The following MELK variants were observed in gnomAD, a reference collection of about 807,000 sequenced individuals.
MELK encodes the protein pEg3 kinase.
In MELK, 81 loss-of-function variants were observed where a neutral mutation model predicts 85.0. The ratio of observed to expected loss-of-function variants is 0.95; its 90% CI spans 0.80 to 1.15. MELK has a LOEUF of 1.15. MELK is among the 50% of genes most tolerant of loss of function. The probability of loss-of-function intolerance (pLI) is 0.00; values close to 1 mark genes in which losing one functional copy is unlikely to be tolerated. For missense variants in MELK, 754 were observed against 777.5 expected, an observed-to-expected ratio of 0.97 and a Z score of 0.36; for synonymous variants, 252 against 265.0, an observed-to-expected ratio of 0.95 and a Z score of 0.48.
chr9:36,630,740 G>A (rs1308333040), intron 9 of MELK, among the ~76,000 whole-genome samples: 1 of 152,058 alleles, frequency 6.6e-6, no homozygotes, highest in Non-Finnish European at 1.5e-5. Flanking sequence ...TGCAACCTTC[G>A]CCTTCTGGGT....
chr9:36,627,451 A>C (rs2136372520), intron 8 of MELK, among the ~76,000 whole-genome samples: 1 of 152,132 alleles, frequency 6.6e-6, no homozygotes, highest in African/African-American at 2.4e-5. Context: ...AATGACTTTT[A>C]ATATTATTAC....
intron 10 of MELK, among the ~76,000 whole-genome samples, chr9:36,635,857 C>T (rs1347975150): frequency 1.4e-5 from 2 of 146,774 alleles, no homozygotes; most frequent in East Asian, 2.0e-4. Flanking sequence ...AGTGCAATGG[C>T]GCAGTCTCAG....
chr9:36,607,267 A>T (rs1400515814), intron 7 of MELK, among the ~76,000 whole-genome samples: 1 of 152,160 alleles, frequency 6.6e-6, no homozygotes, highest in Non-Finnish European at 1.5e-5. Context: ...TCATCTTCTT[A>T]TCATGTCCAA....
intron 10 of MELK, among the ~76,000 whole-genome samples, chr9:36,636,784 C>CTT: frequency 2.0e-5 from 2 of 99,766 alleles, no homozygotes; most frequent in African/African-American, 8.3e-5. Flanking sequence ...TTCTTTCTTT[C>CTT]TGTCTGTCTT....
intron 8 of MELK, among the ~76,000 whole-genome samples, chr9:36,621,527 A>G (rs1827448913): frequency 6.6e-6 from 1 of 152,112 alleles, no homozygotes; most frequent in Admixed American, 6.6e-5. Context: ...TAGCTTGTAT[A>G]AGGTCACACA....
chr9:36,669,443 A>G (rs1794153430), intron 15 of MELK, 37 bp downstream of exon 15: 3 of 1,398,896 alleles, frequency 2.1e-6, no homozygotes, highest in Non-Finnish European at 2.0e-6. Context: ...AATCTTTAGT[A>G]TATGTAACCA....
intron 8 of MELK, among the ~76,000 whole-genome samples, chr9:36,625,974 C>A (rs1216679815): frequency 6.6e-6 from 1 of 151,784 alleles, no homozygotes; most frequent in Non-Finnish European, 1.5e-5. Context: ...TGGTCTATGA[C>A]AAACTCCAGA....
At chr9:36,618,583 G>A (rs967777619) in intron 8 of MELK, among the ~76,000 whole-genome samples, 10 of 151,922 alleles carry the variant, frequency 6.6e-5, no homozygotes, top group African/African-American at 2.4e-4. Context: ...TTTTAACTTT[G>A]TGTTTTGGTT....
chr9:36,592,132 G>C (rs138704283), intron 4 of MELK, among the ~76,000 whole-genome samples: 154 of 151,052 alleles, frequency 1.0e-3, no homozygotes, highest in African/African-American at 3.7e-3. Flanking sequence ...GATTACAGGC[G>C]TGAGCAACTA....
chr9:36,611,385 ATTTAATCCT>A (rs1161745760), intron 8 of MELK, among the ~76,000 whole-genome samples: 1 of 152,168 alleles, frequency 6.6e-6, no homozygotes, highest in Non-Finnish European at 1.5e-5. Flanking sequence ...CTTGTTTTAT[ATTTAATCCT>A]CACTAAAATG....
intron 12 of MELK, among the ~76,000 whole-genome samples, chr9:36,654,900 A>C (rs1428094487): frequency 1.3e-5 from 2 of 152,184 alleles, no homozygotes; most frequent in South Asian, 4.1e-4. Flanking sequence ...TCTTTATGCA[A>C]ATTATTGAGA....
At chr9:36,660,826 TA>T (rs1200340852) in intron 13 of MELK, among the ~76,000 whole-genome samples, 1 of 151,820 alleles carries the variant, frequency 6.6e-6, no homozygotes, top group Admixed American at 6.6e-5. Flanking sequence ...ACCCCGTCTC[TA>T]CTAAAAATAC....
At chr9:36,584,729 T>G (rs575798590) in intron 3 of MELK, among the ~76,000 whole-genome samples, 7 of 148,520 alleles carry the variant, frequency 4.7e-5, no homozygotes, top group African/African-American at 1.5e-4. Flanking sequence ...CTTTTTTTTT[T>G]TTTTTTTTGA....
intron 12 of MELK, 112 bp downstream of exon 12, chr9:36,651,989 A>G: frequency 1.0e-6 from 1 of 998,618 alleles, no homozygotes; most frequent in South Asian, 3.2e-5. Context: ...AAGATGTTTT[A>G]TGATTTCAAT....
Position 36,591,451 on chromosome 9 carries a change from A to G in MELK, c.261+1799A>G, listed in dbSNP as rs183492818. Among the ~76,000 whole-genome samples, 40 of 152,124 alleles carry G rather than the reference A, an allele frequency of 2.6e-4. No homozygotes were observed. The East Asian group carries it at 7.4e-3, about 28-fold the overall frequency. On this transcript the variant is annotated intron_variant, in intron 4 of 17. Transcript: ENST00000298048. ...TAGCCAGTTGTGGTGGTGCATGCCT[A>G]TAGTCCCAGCTACCTGGGAGGCTGA... is the stretch of plus-strand genomic sequence containing the variant.
rs543114583 is a variant in MELK, at chr9:36,657,256, C to T, written c.1069C>T (p.Leu357=). 9.9e-6 allele frequency: 16 copies of T among 1,612,106 alleles called. No homozygotes were observed. Among genetic ancestry groups the T allele is most frequent in the Middle Eastern group, 1.7e-4 (1 of 6,048 alleles). The change falls in exon 13 of 18, where the codon CTG becomes TTG. Residue 357 remains leucine, a synonymous_variant. Transcript: ENST00000298048. ...FTDIKSNNWS[L]EDVTASDKNY... is the part of the protein sequence containing the mutation. ...CATTGAGTAGTCAAATAATTGGAGT[C>T]TGGAAGATGTGACCGCAAGTGATAA...
At chr9:36,584,741 A>T in intron 3 of MELK, among the ~76,000 whole-genome samples, 1 of 140,498 alleles carries the variant, frequency 7.1e-6, no homozygotes. Flanking sequence ...TTTTTTTGAG[A>T]CAGTCTCACT....
chr9:36,665,219 T>C (rs1191849279), intron 13 of MELK, 131 bp from the exon 14 acceptor site: 4 of 619,866 alleles, frequency 6.5e-6, no homozygotes, highest in African/African-American at 5.6e-5. Context: ...TTTCCTAATG[T>C]CAATAATATC....
chr9:36,620,993 G>A (rs1827349925), intron 8 of MELK, among the ~76,000 whole-genome samples: 1 of 151,788 alleles, frequency 6.6e-6, no homozygotes, highest in Non-Finnish European at 1.5e-5. Context: ...AATAGAGGCT[G>A]GGCGCAGTGG....
Sources: gnomAD v4.1 joint callset for allele counts (sites outside exome capture counted in the v4.1 genomes callset) on GRCh38, gnomAD v4.1.1 for gene constraint, MANE v1.5 for transcripts, NCBI Gene and HGNC (gene_info 2026-07-23, HGNC 2026-07-21) for gene names.